Variants in ATP8A1 observed in about 807,000 individuals in gnomAD.
ATP8A1 encodes phospholipid-transporting ATPase IA.
In ATP8A1, 90 loss-of-function variants were observed where a neutral mutation model predicts 177.7. The observed-to-expected ratio is 0.51, with a 90% CI of 0.43 to 0.60. The LOEUF (loss-of-function observed/expected upper bound fraction) is 0.60, where lower values mean the gene tolerates loss of function less well. Ranked by LOEUF, ATP8A1 falls within the 20% of genes least tolerant of loss-of-function variation. The pLI is 0.00. For missense variants in ATP8A1, 1,072 were observed against 1,392.8 expected (o/e 0.77, Z 3.67); for synonymous variants, 493 against 485.9 (o/e 1.01, Z -0.19).
At chr4:42,599,311 T>C (rs1735019603) in intron 6 of ATP8A1, among the ~76,000 whole-genome samples, 1 of 152,206 alleles carries the variant, frequency 6.6e-6, no homozygotes, top group Admixed American at 6.5e-5. Context: ...CTGTCTTCTT[T>C]CTAAAATGTT....
At chr4:42,654,111 C>G (rs1437567096) in intron 1 of ATP8A1, among the ~76,000 whole-genome samples, 4 of 152,218 alleles carry the variant, frequency 2.6e-5, no homozygotes, top group African/African-American at 9.6e-5. Context: ...TCAGGTGATT[C>G]CTATGAACCT....
chr4:42,414,681 T>C lies in ATP8A1; in HGVS notation c.3343A>G (p.Lys1115Glu). 6.2e-7 allele frequency: 1 copy of C among 1,613,928 alleles called. No individual in the cohort carries two copies. The highest frequency in any genetic ancestry group is 8.5e-7 in the Non-Finnish European group (1 of 1,179,836). Residue 1115 changes from lysine to glutamate, a missense_variant, in exon 36 of 37, where the codon AAG becomes GAG. Transcript: ENST00000381668. ...ERAQLLKNVF[K>E]KNHVNLYRSE... is the part of the protein sequence containing the mutation. The stretch of plus-strand genomic sequence containing the variant: ...CGGTACAAGTTCACGTGGTTCTTCT[T>C]AAAGACGTTCTTGAGCAGTTGCGCC...
intron 15 of ATP8A1, among the ~76,000 whole-genome samples, chr4:42,566,037 T>C (rs1258331700): frequency 1.3e-5 from 2 of 152,138 alleles, no homozygotes; most frequent in Non-Finnish European, 2.9e-5. Flanking sequence ...GGTTGGGAAA[T>C]AGTTTTATCT....
chr4:42,551,081 T>C (rs1729454882), intron 18 of ATP8A1, 117 bp downstream of exon 18: 1 of 763,284 alleles, frequency 1.3e-6, no homozygotes. Context: ...CACCCAGTAG[T>C]TGCTTCTGGA....
chr4:42,640,986 C>T (rs572526143), intron 1 of ATP8A1, among the ~76,000 whole-genome samples: 12 of 142,618 alleles, frequency 8.4e-5, no homozygotes, highest in South Asian at 6.7e-4. Flanking sequence ...AAGGAGCAGA[C>T]GTACAGAGAC....
rs760016306 is a variant in ATP8A1, at chr4:42,656,917, C to T, written c.-44G>A. 90 of 1,513,860 alleles carry T rather than the reference C, an allele frequency of 5.9e-5. No individual in the cohort carries two copies. The highest frequency in any genetic ancestry group is 7.4e-5 in the Non-Finnish European group (83 of 1,124,028). 93.8% of individuals were successfully genotyped at this position (1,513,860 alleles called of 1,614,324 possible). On this transcript the variant is annotated 5_prime_UTR_variant, in exon 1 of 37. Transcript: ENST00000381668. The stretch of plus-strand genomic sequence containing the variant: ...TGGGTCCTCAGCCCGGACTCTGCAC[C>T]TGTCACGGCGTGGTACACGCGGGAG...
chr4:42,479,298 T>C (rs1452088846), intron 25 of ATP8A1, among the ~76,000 whole-genome samples: 1 of 152,206 alleles, frequency 6.6e-6, no homozygotes, highest in Non-Finnish European at 1.5e-5. Context: ...TATCTGTCCC[T>C]GCACAGAAAA....
rs574219856 is a variant in ATP8A1, at chr4:42,619,912, C to T, written c.364-3834G>A. On this transcript the variant is annotated intron_variant, in intron 4 of 36. Coordinates refer to ENST00000381668, the MANE Select transcript of ATP8A1 (RefSeq NM_006095.2). The stretch of plus-strand genomic sequence containing the variant: ...ATTCCATCCCCTCTCCCCACCCTTG[C>T]TACAATAACCACCTATATTCCACAA... 5.9e-5 allele frequency among the ~76,000 whole-genome samples: 9 copies of T among 152,298 alleles called. No individual in the cohort carries two copies. In the East Asian group the frequency reaches 1.5e-3, roughly 26 times the overall value.
intron 31 of ATP8A1, 102 bp downstream of exon 31, chr4:42,446,481 A>T: frequency 8.2e-7 from 1 of 1,221,016 alleles, no homozygotes; most frequent in Non-Finnish European, 1.2e-6. Flanking sequence ...AACAACCCTT[A>T]AATCCAGAAA....
intron 5 of ATP8A1, among the ~76,000 whole-genome samples, chr4:42,608,444 C>T (rs1009223945): frequency 6.6e-6 from 1 of 151,596 alleles, no homozygotes; most frequent in Admixed American, 6.6e-5. Flanking sequence ...ACTGTAACCT[C>T]CACCTCTCAG....
chr4:42,573,651 A>C (rs1400479587), intron 14 of ATP8A1, among the ~76,000 whole-genome samples: 1 of 152,226 alleles, frequency 6.6e-6, no homozygotes, highest in African/African-American at 2.4e-5. Flanking sequence ...TCGTAACGCA[A>C]AGAACAAGGA....
intron 30 of ATP8A1, among the ~76,000 whole-genome samples, chr4:42,447,673 T>C (rs1717432244): frequency 6.6e-6 from 1 of 152,156 alleles, no homozygotes; most frequent in Non-Finnish European, 1.5e-5. Flanking sequence ...GAGTCAAATA[T>C]GTAAGGGCAA....
chr4:42,435,442 A>C (rs370765340), intron 33 of ATP8A1, among the ~76,000 whole-genome samples: 35,197 of 133,984 alleles, frequency 0.26, 4,969 homozygotes, highest in African/African-American at 0.31. Flanking sequence ...AAAAAAAAAA[A>C]AAAAAAACAA....
In ATP8A1 at chr4:42,546,927, T is replaced by C. The variant is rs561015159; in HGVS notation, c.1652+2086A>G. 1.9e-4 allele frequency among the ~76,000 whole-genome samples: 29 copies of C among 152,322 alleles called. No individual in the cohort carries two copies. The South Asian group carries it at 5.6e-3, about 29-fold the overall frequency. On this transcript the variant is annotated intron_variant, in intron 19 of 36. Transcript: ENST00000381668. ...TGATTCCTCTTTTTCTAATCAACCC[T>C]TACCCTCATGGCTTAATCTTCAGCC...
In ATP8A1 at chr4:42,410,517, C is replaced by T. The variant is rs1188391262; in HGVS notation, c.*2399G>A. ...AATCAGACTATTTTCTCTAATTTAA[C>T]ACTGTAAAGTCACTGCAATTGCAAT... On this transcript the variant is annotated 3_prime_UTR_variant, in exon 37 of 37. Coordinates refer to ENST00000381668, the MANE Select transcript of ATP8A1 (RefSeq NM_006095.2). 6.6e-6 allele frequency: 1 copy of T among 152,192 alleles called. No homozygotes were observed. Among genetic ancestry groups the T allele is most frequent in the African/African-American group, 2.4e-5 (1 of 41,458 alleles). 9.4% of individuals were successfully genotyped at this position (152,192 alleles called of 1,614,324 possible).
intron 14 of ATP8A1, among the ~76,000 whole-genome samples, chr4:42,574,339 T>G (rs1319578946): frequency 1.3e-5 from 2 of 152,156 alleles, no homozygotes; most frequent in African/African-American, 4.8e-5. Context: ...AAAGGAAATA[T>G]ATTTGTTCCT....
At chr4:42,425,625 C>T (rs1027975722) in intron 33 of ATP8A1, among the ~76,000 whole-genome samples, 2 of 152,058 alleles carry the variant, frequency 1.3e-5, no homozygotes, top group South Asian at 2.1e-4. Flanking sequence ...AAAGCTCCCC[C>T]TCACTCTGAA....
chr4:42,574,384 C>T (rs1247809433), intron 14 of ATP8A1, among the ~76,000 whole-genome samples: 1 of 152,150 alleles, frequency 6.6e-6, no homozygotes, highest in Non-Finnish European at 1.5e-5. Flanking sequence ...TTCAGCAACA[C>T]TAAACACTGA....
At chr4:42,419,524 T>C (rs1049201668) in intron 35 of ATP8A1, among the ~76,000 whole-genome samples, 1 of 152,072 alleles carries the variant, frequency 6.6e-6, no homozygotes, top group Non-Finnish European at 1.5e-5. Context: ...TGAATCTACA[T>C]TGGGTTTGGA....
Sources: gnomAD v4.1 joint callset for allele counts (sites outside exome capture counted in the v4.1 genomes callset) on GRCh38, gnomAD v4.1.1 for gene constraint, MANE v1.5 for transcripts, NCBI Gene and HGNC (gene_info 2026-07-23, HGNC 2026-07-21) for gene names.